The following SLC25A21 variants were observed in gnomAD, a reference collection of about 807,000 sequenced individuals.
The protein encoded by SLC25A21 is mitochondrial 2-oxodicarboxylate carrier.
A neutral mutation model predicts 43.8 loss-of-function variants in SLC25A21; 47 were observed. That is an observed-to-expected ratio of 1.07 (90% CI 0.85 to 1.37). The LOEUF (loss-of-function observed/expected upper bound fraction) is 1.37, where lower values mean the gene tolerates loss of function less well. Ranked by LOEUF, SLC25A21 falls within the 40% of genes most tolerant of loss-of-function variation. The probability of loss-of-function intolerance (pLI) is 0.00; values close to 1 mark genes in which losing one functional copy is unlikely to be tolerated. For missense variants in SLC25A21, 352 were observed against 350.2 expected (o/e 1.00, Z -0.04); for synonymous variants, 131 against 121.3 (o/e 1.08, Z -0.52).
At chr14:37,051,740 G>T (rs1961710688) in intron 1 of SLC25A21, among the ~76,000 whole-genome samples, 1 of 152,180 alleles carries the variant, frequency 6.6e-6, no homozygotes, top group African/African-American at 2.4e-5. Context: ...AGGCCACCTG[G>T]TAGTTGCTGT....
At chr14:36,757,213 G>T (rs1005407050) in intron 3 of SLC25A21, among the ~76,000 whole-genome samples, 4 of 152,026 alleles carry the variant, frequency 2.6e-5, no homozygotes, top group Non-Finnish European at 4.4e-5. Context: ...AGCCAATATT[G>T]CACCACTGCT....
intron 2 of SLC25A21, among the ~76,000 whole-genome samples, chr14:36,872,982 A>T (rs1890417656): frequency 1.3e-5 from 2 of 152,218 alleles, no homozygotes; most frequent in African/African-American, 4.8e-5. Context: ...TGAATGGATG[A>T]ATTAAACATT....
At chr14:36,705,684 A>G (rs1883516456) in intron 7 of SLC25A21, among the ~76,000 whole-genome samples, 1 of 152,186 alleles carries the variant, frequency 6.6e-6, no homozygotes, top group Non-Finnish European at 1.5e-5. Context: ...TGTAAAACCA[A>G]GTACTTTGAA....
At chr14:36,774,455 A>G (rs1199293792) in intron 3 of SLC25A21, among the ~76,000 whole-genome samples, 1 of 152,248 alleles carries the variant, frequency 6.6e-6, no homozygotes, top group Non-Finnish European at 1.5e-5. Context: ...GAAAGCCAGT[A>G]TGAGGAAAAG....
chr14:36,858,476 G>T (rs1889968519), intron 2 of SLC25A21, among the ~76,000 whole-genome samples: 1 of 152,112 alleles, frequency 6.6e-6, no homozygotes, highest in Non-Finnish European at 1.5e-5. Flanking sequence ...AGGATTCTTA[G>T]TTCCTAACTT....
At chr14:37,055,276 G>A (rs1961795850) in intron 1 of SLC25A21, among the ~76,000 whole-genome samples, 1 of 152,192 alleles carries the variant, frequency 6.6e-6, no homozygotes, top group Non-Finnish European at 1.5e-5. Context: ...ACTCTGAGCA[G>A]ATGTCACGAT....
rs567827282 is a variant in SLC25A21, at chr14:36,844,746, G to A, written c.119+30210C>T. On this transcript the variant is annotated intron_variant, in intron 2 of 9. Transcript: ENST00000331299. ...AGCTTCAGCACCATTCGAAAATCTGGACAGAGGGTCATGCCGGATCCTAAT... is the reference window on the plus strand; with the variant it reads ...AGCTTCAGCACCATTCGAAAATCTGAACAGAGGGTCATGCCGGATCCTAAT... Among the ~76,000 whole-genome samples the A allele has an allele frequency of 3.3e-4, 51 of 152,274 alleles. 1 individual carries two copies. In the South Asian group the frequency reaches 1.0e-2, roughly 30 times the overall value.
intron 1 of SLC25A21, among the ~76,000 whole-genome samples, chr14:36,910,072 T>C (rs940339492): frequency 3.3e-5 from 5 of 152,174 alleles, no homozygotes; most frequent in African/African-American, 1.2e-4. Context: ...TATCAGACTG[T>C]CAAATGCTCT....
chr14:37,091,725 A>C (rs1036110933), intron 1 of SLC25A21, among the ~76,000 whole-genome samples: 4 of 152,198 alleles, frequency 2.6e-5, no homozygotes, highest in Non-Finnish European at 5.9e-5. Context: ...CAAGTAGGCA[A>C]ATTCACAAAT....
intron 1 of SLC25A21, among the ~76,000 whole-genome samples, chr14:37,043,940 GTTTT>G (rs59081965): frequency 1.8e-5 from 1 of 56,768 alleles, no homozygotes. Context: ...ATGTTTTTTT[GTTTT>G]TTTTTTTTTT....
At chr14:36,896,229 T>C (rs1310285149) in intron 1 of SLC25A21, among the ~76,000 whole-genome samples, 2 of 152,208 alleles carry the variant, frequency 1.3e-5, no homozygotes, top group African/African-American at 4.8e-5. Context: ...TGCTCCTGTA[T>C]TGGGTGCATA....
At position 36,679,680 on chromosome 14, in the gene SLC25A21, G is replaced by A. The variant is rs1035650809; in HGVS notation, c.*978C>T. ...AGCTGACTTCCCACCTGAAGTTGTC[G>A]TTTAAAACTAATAACCTGAAAATGC... On this transcript the variant is annotated 3_prime_UTR_variant, in exon 10 of 10. Transcript: ENST00000331299. 3.7e-5 allele frequency: 36 copies of A among 985,174 alleles called. No individual in the cohort carries two copies. The South Asian group carries it at 7.5e-4, about 21-fold the overall frequency. The allele number at this position is 985,174 out of a possible 1,614,324, so 61.0% of individuals were successfully genotyped here.
intron 1 of SLC25A21, among the ~76,000 whole-genome samples, chr14:37,090,808 G>T (rs1962570066): frequency 2.0e-5 from 3 of 152,050 alleles, no homozygotes; most frequent in South Asian, 4.2e-4. Flanking sequence ...TTTCTTTATT[G>T]TTTAAACATA....
Position 36,830,630 on chromosome 14 carries a change from T to G in SLC25A21, c.120-16629A>C, listed in dbSNP as rs181552650. Among the ~76,000 whole-genome samples, 5 of 152,292 alleles carry G rather than the reference T, an allele frequency of 3.3e-5. No homozygotes were observed. In the East Asian group the frequency reaches 9.6e-4, roughly 29 times the overall value. On this transcript the variant is annotated intron_variant, in intron 2 of 9. Coordinates refer to ENST00000331299, the MANE Select transcript of SLC25A21 (RefSeq NM_030631.4). The stretch of plus-strand genomic sequence containing the variant: ...AATATCTATTTTCACCCCACTTAGT[T>G]TTAAGTTGCATGTTGTATGTAAACT...
At chr14:36,853,457 A>G (rs1889804604) in intron 2 of SLC25A21, among the ~76,000 whole-genome samples, 1 of 152,122 alleles carries the variant, frequency 6.6e-6, no homozygotes, top group Non-Finnish European at 1.5e-5. Flanking sequence ...TTTGTTTCTA[A>G]CTTCTAGAAA....
intron 3 of SLC25A21, among the ~76,000 whole-genome samples, chr14:36,765,145 GT>G (rs1886366184): frequency 6.6e-6 from 1 of 152,200 alleles, no homozygotes. Context: ...TGAAATGCTT[GT>G]TCTTAGTGTC....
At chr14:37,058,212 A>C (rs1465361427) in intron 1 of SLC25A21, among the ~76,000 whole-genome samples, 2 of 152,220 alleles carry the variant, frequency 1.3e-5, no homozygotes, top group East Asian at 3.8e-4. Context: ...TAAGTTCAGA[A>C]AATATTTATT....
intron 1 of SLC25A21, among the ~76,000 whole-genome samples, chr14:37,094,463 C>G (rs1275728666): frequency 6.6e-6 from 1 of 152,154 alleles, no homozygotes; most frequent in Non-Finnish European, 1.5e-5. Context: ...CTCACATACT[C>G]TGTACTGAGA....
intron 1 of SLC25A21, among the ~76,000 whole-genome samples, chr14:37,005,166 T>G (rs1387323622): frequency 6.6e-6 from 1 of 151,250 alleles, no homozygotes; most frequent in African/African-American, 2.4e-5. Context: ...TTCATACATC[T>G]GTACCACAAG....
Sources: gnomAD v4.1 joint callset for allele counts (sites outside exome capture counted in the v4.1 genomes callset) on GRCh38, gnomAD v4.1.1 for gene constraint, MANE v1.5 for transcripts, NCBI Gene and HGNC (gene_info 2026-07-23, HGNC 2026-07-21) for gene names.